The following DPH5 variants were observed in gnomAD, a reference collection of about 807,000 sequenced individuals.
DPH5 encodes the protein diphthamide biosynthesis 5, also known as diphthine methyl ester synthase.
A neutral mutation model predicts 31.6 loss-of-function variants in DPH5; 31 were observed. That is an observed-to-expected ratio of 0.98 (90% CI 0.74 to 1.32). DPH5 has a LOEUF of 1.32. Among genes scored for constraint, DPH5 ranks in the 40% most tolerant of loss-of-function variants. DPH5 has a pLI of 0.00. For missense variants in DPH5, 309 were observed against 335.7 expected (o/e 0.92, Z 0.62); for synonymous variants, 120 against 115.0 (o/e 1.04, Z -0.28).
chr1:100,996,219 T>G (rs1658336452), intron 5 of DPH5: 1 of 152,238 alleles, frequency 6.6e-6, no homozygotes, highest in Non-Finnish European at 1.5e-5. Flanking sequence ...TAGTCAACTT[T>G]CAGATTTCCT....
At chr1:101,001,611 T>C (rs1386918053) in intron 4 of DPH5, 24 bp from the exon 5 acceptor site, 2 of 1,490,746 alleles carry the variant, frequency 1.3e-6, no homozygotes, top group East Asian at 2.3e-5. Flanking sequence ...CATTAATTAA[T>C]GATGGAACAA....
At chr1:101,023,470 C>A (rs1660617551) in intron 2 of DPH5, 2 of 152,206 alleles carry the variant, frequency 1.3e-5, no homozygotes, top group Non-Finnish European at 2.9e-5. Context: ...AGCACCTTAA[C>A]AAAGTACACA....
intron 3 of DPH5, among the ~76,000 whole-genome samples, chr1:101,014,291 G>A (rs534745074): frequency 5.3e-5 from 8 of 152,220 alleles, no homozygotes; most frequent in African/African-American, 1.7e-4. Flanking sequence ...GAATATACAC[G>A]TATACCATGA....
Position 100,990,624 on chromosome 1 carries a change from G to A in DPH5, c.642C>T (p.Thr214=), listed in dbSNP as rs768670248. Residue 214 remains threonine, a synonymous_variant, in exon 8 of 8, where the codon ACC becomes ACT. Transcript: ENST00000370109. Reference sequence around the variant, plus strand: ...CTAAGCCAACACAAAGTGTCTCCTCGGTAACTGCTATTAAAAAAAAAAGAT... The same window carrying A: ...CTAAGCCAACACAAAGTGTCTCCTCAGTAACTGCTATTAAAAAAAAAAGAT... ...QRIRGEEPAV[T]EETLCVGLAR... 4.3e-6 allele frequency: 7 copies of A among 1,613,470 alleles called. No individual in the cohort carries two copies. Among genetic ancestry groups the A allele is most frequent in the African/African-American group, 2.7e-5 (2 of 74,830 alleles).
chr1:101,021,388 A>G (rs114064454), intron 3 of DPH5, among the ~76,000 whole-genome samples: 1,730 of 152,330 alleles, frequency 0.011, 45 homozygotes, highest in African/African-American at 0.04. Flanking sequence ...AAACAGCAGA[A>G]GCAATGATAC....
At chr1:101,011,374 G>A (rs756313339) in intron 4 of DPH5, among the ~76,000 whole-genome samples, 16 of 152,114 alleles carry the variant, frequency 1.1e-4, no homozygotes, top group Non-Finnish European at 1.9e-4. Context: ...CACACAAATA[G>A]CCATTTCATA....
At chr1:101,000,603 G>C (rs974856914) in intron 5 of DPH5, among the ~76,000 whole-genome samples, 1 of 152,194 alleles carries the variant, frequency 6.6e-6, no homozygotes, top group African/African-American at 2.4e-5. Flanking sequence ...CTAGTAAGTA[G>C]TAGCACTGGG....
intron 5 of DPH5, among the ~76,000 whole-genome samples, chr1:100,998,305 G>A (rs776213612): frequency 5.9e-5 from 9 of 152,046 alleles, no homozygotes; most frequent in Non-Finnish European, 1.0e-4. Flanking sequence ...GAGGCCAGGG[G>A]TTTGAGACCA....
intron 4 of DPH5, among the ~76,000 whole-genome samples, chr1:101,012,908 T>C (rs575174234): frequency 6.6e-6 from 1 of 152,366 alleles, no homozygotes; most frequent in South Asian, 2.1e-4. Context: ...CTGATGCTAA[T>C]GTATCTTCTT....
In DPH5 at chr1:101,017,458, T is replaced by C. The variant is rs1004290940; in HGVS notation, c.261-3640A>G. Among the ~76,000 whole-genome samples, 3 of 152,320 alleles carry C rather than the reference T, an allele frequency of 2.0e-5. No individual in the cohort carries two copies. In the East Asian group the frequency reaches 5.8e-4, roughly 29 times the overall value. On this transcript the variant is annotated intron_variant, in intron 3 of 7. Transcript: ENST00000370109. ...CCATTTTTAAGATAAAATCTCAAGATTGTAAGTAGGTAGATTGGAGTAAAG... is the reference window on the plus strand; with the variant it reads ...CCATTTTTAAGATAAAATCTCAAGACTGTAAGTAGGTAGATTGGAGTAAAG...
chr1:100,991,788 C>CAAAAAAAAAAAAAAAA (rs71084857), intron 7 of DPH5, among the ~76,000 whole-genome samples: 11 of 101,026 alleles, frequency 1.1e-4, no homozygotes, highest in Middle Eastern at 5.8e-3. Context: ...GACCCCATCT[C>CAAAAAAAAAAAAAAAA]AAAAAAAAAA....
chr1:101,011,756 T>C (rs1427681997), intron 4 of DPH5: 2 of 152,156 alleles, frequency 1.3e-5, no homozygotes, highest in Non-Finnish European at 2.9e-5. Flanking sequence ...GAGAAAGGGC[T>C]AGTTAACTTT....
intron 6 of DPH5, among the ~76,000 whole-genome samples, chr1:100,993,848 T>A (rs1658081623): frequency 6.6e-6 from 1 of 151,516 alleles, no homozygotes; most frequent in African/African-American, 2.4e-5. Context: ...TTCAAGCAAT[T>A]CTCTGCCTCA....
At chr1:101,012,428 A>G (rs1659764411) in intron 4 of DPH5, among the ~76,000 whole-genome samples, 1 of 152,120 alleles carries the variant, frequency 6.6e-6, no homozygotes. Flanking sequence ...TCCCTTGGAC[A>G]CCCCCAGAAG....
At chr1:100,992,931 C>A (rs1483316996) in intron 6 of DPH5, among the ~76,000 whole-genome samples, 191 bp from the exon 7 acceptor site, 1 of 152,120 alleles carries the variant, frequency 6.6e-6, no homozygotes, top group East Asian at 1.9e-4. Context: ...TTTCATTGTT[C>A]TAATTTAACT....
At chr1:101,003,574 C>T (rs956280923) in intron 4 of DPH5, among the ~76,000 whole-genome samples, 1 of 152,140 alleles carries the variant, frequency 6.6e-6, no homozygotes, top group Non-Finnish European at 1.5e-5. Flanking sequence ...GGTATAATAA[C>T]TGTAAACATA....
intron 5 of DPH5, among the ~76,000 whole-genome samples, chr1:100,996,925 C>T (rs1403268987): frequency 6.6e-6 from 1 of 152,164 alleles, no homozygotes; most frequent in Non-Finnish European, 1.5e-5. Context: ...AATGAGAATG[C>T]CAGATGATAA....
chr1:100,995,872 G>T (rs1260251929), intron 5 of DPH5: 1 of 152,188 alleles, frequency 6.6e-6, no homozygotes, highest in East Asian at 1.9e-4. Context: ...AGCAACAGCT[G>T]CTTCCTGCTT....
intron 4 of DPH5, among the ~76,000 whole-genome samples, chr1:101,003,837 T>C (rs1659039883): frequency 6.6e-6 from 1 of 152,320 alleles, no homozygotes; most frequent in African/African-American, 2.4e-5. Flanking sequence ...GTTTACATTC[T>C]AAAAAGGATT....
Sources: allele counts gnomAD v4.1 joint callset (sites outside exome capture counted in the v4.1 genomes callset), GRCh38; gene constraint gnomAD v4.1.1; transcripts MANE v1.5; gene names NCBI Gene and HGNC (gene_info 2026-07-23, HGNC 2026-07-21).